Variants in SLC6A11 observed in about 807,000 individuals in gnomAD.
SLC6A11 encodes sodium- and chloride-dependent GABA transporter 3.
A neutral mutation model predicts 74.8 loss-of-function variants in SLC6A11; 25 were observed. That is an observed-to-expected ratio of 0.33 (90% CI 0.24 to 0.47). SLC6A11 has a LOEUF of 0.47. Ranked by LOEUF, SLC6A11 falls within the 20% of genes least tolerant of loss-of-function variation. SLC6A11 has a pLI of 1.00. For synonymous variants in SLC6A11, 330 were observed against 330.2 expected, an observed-to-expected ratio of 1.00 and a Z score of 0.01; for missense variants, 574 against 837.0, an observed-to-expected ratio of 0.69 and a Z score of 3.88.
At chr3:10,906,975 C>T (rs754313351) in intron 6 of SLC6A11, among the ~76,000 whole-genome samples, 9 of 152,124 alleles carry the variant, frequency 5.9e-5, no homozygotes, top group African/African-American at 1.4e-4. Context: ...CTCACCTAAA[C>T]GTGAGCAACA....
Position 10,823,316 on chromosome 3 carries a change from T to A in SLC6A11, c.547T>A (p.Phe183Ile). ...HEWNTENCVE[F>I]QKLNVSNYSH... The stretch of plus-strand genomic sequence containing the variant: ...TTCCACTGTAGAGAATTGTGTGGAG[T>A]TCCAGAAACTGAATGTGAGCAACTA... Residue 183 changes from phenylalanine to isoleucine, a missense_variant, in exon 4 of 14, where the codon TTC becomes ATC. By Grantham distance (21) the Phe-to-Ile change is conservative (BLOSUM62 0). Around this residue, in one of 4 missense-constraint regions of SLC6A11, gnomAD observed 215 missense variants for 357.9 expected, o/e 0.60. Coordinates refer to ENST00000254488, the MANE Select transcript of SLC6A11 (RefSeq NM_014229.3). 6.2e-7 allele frequency: 1 copy of A among 1,612,090 alleles called. No individual in the cohort carries two copies. The highest frequency in any genetic ancestry group is 8.5e-7 in the Non-Finnish European group (1 of 1,178,154).
chr3:10,869,622 G>A (rs999003013), intron 5 of SLC6A11, among the ~76,000 whole-genome samples: 1 of 152,236 alleles, frequency 6.6e-6, no homozygotes, highest in South Asian at 2.1e-4. Flanking sequence ...TCTGGGGAAG[G>A]GTGGAGACTG....
At chr3:10,917,314 G>A (rs1203830924) in intron 7 of SLC6A11, among the ~76,000 whole-genome samples, 8 of 152,188 alleles carry the variant, frequency 5.3e-5, no homozygotes, top group African/African-American at 9.6e-5. Context: ...CCAACAAGGG[G>A]AAAGTACCAC....
intron 8 of SLC6A11, among the ~76,000 whole-genome samples, chr3:10,920,456 G>T (rs1232173970): frequency 6.6e-6 from 1 of 152,146 alleles, no homozygotes; most frequent in East Asian, 1.9e-4. Flanking sequence ...AATAAAGCAT[G>T]AGGAGCTTAC....
chr3:10,904,252 C>T (rs1695275745), intron 6 of SLC6A11, among the ~76,000 whole-genome samples: 1 of 152,230 alleles, frequency 6.6e-6, no homozygotes, highest in Non-Finnish European at 1.5e-5. Flanking sequence ...CTGTGCAGCC[C>T]TGTGGTCATA....
intron 5 of SLC6A11, among the ~76,000 whole-genome samples, chr3:10,858,581 T>C (rs1271829505): frequency 2.0e-5 from 3 of 152,250 alleles, no homozygotes; most frequent in Non-Finnish European, 4.4e-5. Flanking sequence ...ACTTATGTTA[T>C]GTCATTTAAT....
chr3:10,883,224 C>T (rs1035819658), intron 6 of SLC6A11, among the ~76,000 whole-genome samples: 1 of 152,216 alleles, frequency 6.6e-6, no homozygotes, highest in South Asian at 2.1e-4. Context: ...ATTTGTTGGT[C>T]TTCACTGTCA....
chr3:10,856,834 C>T (rs1374071519), intron 5 of SLC6A11, among the ~76,000 whole-genome samples: 5 of 152,204 alleles, frequency 3.3e-5, no homozygotes, highest in Non-Finnish European at 7.3e-5. Flanking sequence ...TCTGTTTCCA[C>T]GGTGACCTTG....
chr3:10,841,608 G>A (rs1012135210), intron 4 of SLC6A11, among the ~76,000 whole-genome samples: 2 of 152,224 alleles, frequency 1.3e-5, no homozygotes, highest in African/African-American at 4.8e-5. Context: ...GAATTAGATT[G>A]TTCAATTAAG....
chr3:10,851,612 C>A (rs139726667), intron 5 of SLC6A11, among the ~76,000 whole-genome samples: 5 of 152,332 alleles, frequency 3.3e-5, no homozygotes, highest in Admixed American at 6.5e-5. Flanking sequence ...TCCCTCCAGG[C>A]CCTGCTCCAA....
At chr3:10,937,961 T>C (rs1695777552) in intron 13 of SLC6A11, among the ~76,000 whole-genome samples, 1 of 152,158 alleles carries the variant, frequency 6.6e-6, no homozygotes, top group Non-Finnish European at 1.5e-5. Flanking sequence ...CCAGCAACCT[T>C]TCCTAGCCAG....
intron 12 of SLC6A11, 73 bp from the exon 13 acceptor site, chr3:10,934,956 G>A (rs1445683433): frequency 3.7e-6 from 5 of 1,344,024 alleles, no homozygotes; most frequent in Non-Finnish European, 2.1e-6. Flanking sequence ...GTCTGTTCCT[G>A]GGCCTCAGAC....
At position 10,819,828 on chromosome 3, in the gene SLC6A11, A is replaced by G. The variant is rs1224970368; in HGVS notation, c.508A>G (p.Thr170Ala). 2 of 1,614,004 alleles carry G rather than the reference A, an allele frequency of 1.2e-6. No individual in the cohort carries two copies. The highest frequency in any genetic ancestry group is 2.7e-5 in the African/African-American group (2 of 74,936). The change falls in exon 3 of 14, where the codon ACC becomes GCC. Residue 170 changes from threonine (T) to alanine (A), a missense_variant. Thr to Ala is a moderately conservative substitution (Grantham distance 58). Transcript: ENST00000254488. ...NCFTTELPWA[T>A]CGHEWNTENC... ...CTTCACTACTGAGCTACCCTGGGCT[A>G]CCTGTGGGCATGAGTGGAACACAGG...
chr3:10,843,097 G>T lies in SLC6A11; in HGVS notation c.624-1117G>T, dbSNP rs574586032. Among the ~76,000 whole-genome samples the T allele has an allele frequency of 2.6e-5, 4 of 152,168 alleles. No homozygotes were observed. The South Asian group carries it at 8.3e-4, about 32-fold the overall frequency. ...GTTCGTGGAACAAGCTTGGAGAGGG[G>T]GTTTGTGTTGGTGCCATAGTTCTGC... On this transcript the variant is annotated intron_variant, in intron 4 of 13. Transcript: ENST00000254488.
At chr3:10,849,545 A>G (rs1184922675) in intron 5 of SLC6A11, among the ~76,000 whole-genome samples, 1 of 152,168 alleles carries the variant, frequency 6.6e-6, no homozygotes, top group Non-Finnish European at 1.5e-5. Flanking sequence ...TTTCCCACGC[A>G]CATATTCAAG....
chr3:10,925,312 T>G (rs1005708030), intron 8 of SLC6A11, among the ~76,000 whole-genome samples: 3 of 152,246 alleles, frequency 2.0e-5, no homozygotes, highest in Non-Finnish European at 4.4e-5. Context: ...CAAAACCACT[T>G]TTTTTAGATA....
At chr3:10,885,456 G>A (rs991455112) in intron 6 of SLC6A11, among the ~76,000 whole-genome samples, 1 of 152,240 alleles carries the variant, frequency 6.6e-6, no homozygotes, top group East Asian at 1.9e-4. Flanking sequence ...CTCAACTGAG[G>A]AAGCTTTACC....
chr3:10,907,969 G>T (rs185000117), intron 6 of SLC6A11, among the ~76,000 whole-genome samples: 1 of 152,170 alleles, frequency 6.6e-6, no homozygotes, highest in Non-Finnish European at 1.5e-5. Context: ...TTCACATTAA[G>T]TAATGACTAT....
At chr3:10,825,669 G>GT (rs1057357442) in intron 4 of SLC6A11, among the ~76,000 whole-genome samples, 23 of 151,922 alleles carry the variant, frequency 1.5e-4, no homozygotes, top group South Asian at 6.2e-4. Flanking sequence ...GAGTTTTACA[G>GT]TTTTTTTTCA....
Sources: gnomAD v4.1 joint callset for allele counts (sites outside exome capture counted in the v4.1 genomes callset) on GRCh38, gnomAD v4.1.1 for gene constraint, gnomAD v4.1.1 regional missense constraint, MANE v1.5 for transcripts, NCBI Gene and HGNC (gene_info 2026-07-23, HGNC 2026-07-21) for gene names.